The following SNAP29 variants were observed in gnomAD, a reference collection of about 807,000 sequenced individuals.
SNAP29 encodes the protein synaptosomal-associated protein 29.
Under a neutral mutation model 27.9 loss-of-function variants are expected in SNAP29, and 13 were observed. The ratio of observed to expected loss-of-function variants is 0.47; its 90% CI spans 0.30 to 0.74. SNAP29 has a LOEUF of 0.74. Among genes scored for constraint, SNAP29 ranks in the 30% least tolerant of loss-of-function variants. The pLI is 0.06. For missense variants in SNAP29, 368 were observed against 336.5 expected (o/e 1.09, Z -0.73); for synonymous variants, 119 against 127.1 (o/e 0.94, Z 0.43).
At chr22:20,865,649 T>C (rs1207179458) in intron 1 of SNAP29, among the ~76,000 whole-genome samples, 1 of 152,212 alleles carries the variant, frequency 6.6e-6, no homozygotes, top group Non-Finnish European at 1.5e-5. Context: ...TCAACTTCAC[T>C]GATTCACTGG....
At chr22:20,863,775 C>T (rs764842691) in intron 1 of SNAP29, among the ~76,000 whole-genome samples, 6 of 152,110 alleles carry the variant, frequency 3.9e-5, no homozygotes, top group Non-Finnish European at 8.8e-5. Flanking sequence ...CCCTCCCTAT[C>T]ATCCCTCTGC....
At chr22:20,862,527 T>C (rs1349887206) in intron 1 of SNAP29, among the ~76,000 whole-genome samples, 2 of 152,092 alleles carry the variant, frequency 1.3e-5, no homozygotes, top group African/African-American at 4.8e-5. Context: ...TTGGAGGTCA[T>C]AGGGAAAGTT....
At chr22:20,886,112 C>T (rs532246249) in intron 4 of SNAP29, among the ~76,000 whole-genome samples, 55,121 of 145,500 alleles carry the variant, frequency 0.38, 10,707 homozygotes, top group African/African-American at 0.46. Context: ...GAAGACTTAT[C>T]TTTTTTTTTT....
At chr22:20,879,572 A>G (rs929036137) in intron 2 of SNAP29, among the ~76,000 whole-genome samples, 4 of 151,570 alleles carry the variant, frequency 2.6e-5, no homozygotes, top group Non-Finnish European at 5.9e-5. Context: ...TTGGCCAAGC[A>G]TGGTGGCTTA....
At position 20,888,490 on chromosome 22, in the gene SNAP29, G is replaced by A; in HGVS notation, c.*654G>A. ...CCCTCCAGCCCCCCATCCTTGGCAT[G>A]TATATTAGTAGGAGGGCTTCACACC... On this transcript the variant is annotated 3_prime_UTR_variant, in exon 5 of 5. Transcript: ENST00000215730. The A allele has an allele frequency of 6.1e-6, 1 of 163,062 alleles. No homozygotes were observed. Among genetic ancestry groups the A allele is most frequent in the Non-Finnish European group, 1.3e-5 (1 of 74,544 alleles). The allele number at this position is 163,062 out of a possible 1,614,324, so 10.1% of individuals were successfully genotyped here.
intron 2 of SNAP29, among the ~76,000 whole-genome samples, 199 bp from the exon 3 acceptor site, chr22:20,880,850 G>A (rs1928874224): frequency 6.6e-6 from 1 of 152,158 alleles, no homozygotes; most frequent in Non-Finnish European, 1.5e-5. Context: ...TTCTGAGGCA[G>A]GGGTCTTCAT....
At chr22:20,873,183 T>C (rs1928639354) in intron 2 of SNAP29, among the ~76,000 whole-genome samples, 1 of 152,044 alleles carries the variant, frequency 6.6e-6, no homozygotes, top group Non-Finnish European at 1.5e-5. Context: ...ATTTTATTTA[T>C]TTATTTTTTA....
chr22:20,887,083 G>T (rs1425616107), intron 4 of SNAP29, among the ~76,000 whole-genome samples: 1 of 151,942 alleles, frequency 6.6e-6, no homozygotes, highest in Non-Finnish European at 1.5e-5. Context: ...AAATTAGTCG[G>T]GTGTGGTGGC....
At position 20,887,714 on chromosome 22, in the gene SNAP29, A is replaced by G; in HGVS notation, c.655A>G (p.Ile219Val). 1 of 1,614,218 alleles carries G rather than the reference A, an allele frequency of 6.2e-7. No individual in the cohort carries two copies. The highest frequency in any genetic ancestry group is 8.5e-7 in the Non-Finnish European group (1 of 1,180,046). Reference sequence around the variant, plus strand: ...CATGGGACTGGGTCGTCTGAAGGACATAGCCCTGGGGATGCAGACAGAAAT... The same window carrying G: ...CATGGGACTGGGTCGTCTGAAGGACGTAGCCCTGGGGATGCAGACAGAAAT... Reference protein sequence around the residue: ...LSMGLGRLKDIALGMQTEIEE... With the variant: ...LSMGLGRLKDVALGMQTEIEE... The change falls in exon 5 of 5, where the codon ATA (isoleucine) becomes GTA (valine). Residue 219 changes from isoleucine (I) to valine (V), a missense_variant. Ile to Val is a conservative substitution (Grantham distance 29). Coordinates refer to ENST00000215730, the MANE Select transcript of SNAP29 (RefSeq NM_004782.4).
intron 4 of SNAP29, among the ~76,000 whole-genome samples, chr22:20,887,094 G>A (rs915315352): frequency 9.2e-5 from 14 of 151,830 alleles, no homozygotes; most frequent in Non-Finnish European, 2.1e-4. Flanking sequence ...GTGTGGTGGC[G>A]TGTGCCTGTA....
At chr22:20,873,123 C>T (rs1176364330) in intron 2 of SNAP29, among the ~76,000 whole-genome samples, 1 of 152,122 alleles carries the variant, frequency 6.6e-6, no homozygotes, top group Non-Finnish European at 1.5e-5. Flanking sequence ...AGCCACCACA[C>T]CTGGCCTCTC....
Position 20,887,689 on chromosome 22 carries a change from C to G in SNAP29, c.630C>G (p.Ser210=). 6.2e-7 allele frequency: 1 copy of G among 1,614,160 alleles called. No individual in the cohort carries two copies. Among genetic ancestry groups the G allele is most frequent in the Non-Finnish European group, 8.5e-7 (1 of 1,180,034 alleles). ...TTCCTCCTCCTGCAGATGAGCTGTC[C>G]ATGGGACTGGGTCGTCTGAAGGACA... is the stretch of plus-strand genomic sequence containing the variant. The part of the protein sequence containing the change: ...QKIDSNLDEL[S]MGLGRLKDIA... Residue 210 remains serine, a synonymous_variant, in exon 5 of 5, where the codon TCC becomes TCG. Transcript: ENST00000215730.
intron 4 of SNAP29, among the ~76,000 whole-genome samples, chr22:20,887,447 G>C (rs143672554): frequency 6.6e-6 from 1 of 151,698 alleles, no homozygotes; most frequent in Non-Finnish European, 1.5e-5. Context: ...TACCCCCAGC[G>C]TGCACAAACA....
intron 4 of SNAP29, 71 bp downstream of exon 4, chr22:20,883,640 T>G (rs1045042475): frequency 2.1e-6 from 2 of 944,582 alleles, no homozygotes; most frequent in African/African-American, 3.2e-5. Flanking sequence ...GCATAGCCCC[T>G]GCATGAGCAT....
intron 1 of SNAP29, among the ~76,000 whole-genome samples, chr22:20,869,066 C>T (rs967549642): frequency 7.9e-5 from 12 of 152,114 alleles, no homozygotes; most frequent in African/African-American, 1.9e-4. Flanking sequence ...CGAGACCAGC[C>T]GGGCCAACAT....
chr22:20,859,231 A>C lies in SNAP29; in HGVS notation c.121A>C (p.Arg41=). ...LPDGPDAPAD[R]QQYLRQEVLR... The stretch of plus-strand genomic sequence containing the variant: ...CGACGGGCCCGACGCGCCCGCGGAC[A>C]GGCAGCAGTACTTGCGGCAGGAGGT... The change falls in exon 1 of 5, where the codon AGG becomes CGG. Residue 41 remains arginine (R), a synonymous_variant. Coordinates refer to ENST00000215730, the MANE Select transcript of SNAP29 (RefSeq NM_004782.4). The C allele has an allele frequency of 6.2e-7, 1 of 1,606,520 alleles. No homozygotes were observed. Among genetic ancestry groups the C allele is most frequent in the Non-Finnish European group, 8.5e-7 (1 of 1,177,408 alleles).
intron 3 of SNAP29, among the ~76,000 whole-genome samples, chr22:20,882,998 CT>C (rs71731122): frequency 0.033 from 4,505 of 135,916 alleles, 196 homozygotes; most frequent in African/African-American, 0.11. Flanking sequence ...TTTAACATTT[CT>C]TTTTTTTTTT....
rs759479986 is a variant in SNAP29, at chr22:20,881,052, G to C, written c.438G>C (p.Leu146Phe). ...TTTTGTGAACTTTTATCCAAAGATTGAAAGAAGCTATAAGTACAAGTAAAG... is the reference window on the plus strand; with the variant it reads ...TTTTGTGAACTTTTATCCAAAGATTCAAAGAAGCTATAAGTACAAGTAAAG... Reference protein sequence around the residue: ...GTLTSQPNNRLKEAISTSKEQ... With the variant: ...GTLTSQPNNRFKEAISTSKEQ... The change falls in exon 3 of 5, where the codon TTG becomes TTC. Residue 146 changes from leucine (L) to phenylalanine (F), a missense_variant. Coordinates refer to ENST00000215730, the MANE Select transcript of SNAP29 (RefSeq NM_004782.4). 6 of 1,605,730 alleles carry C rather than the reference G, an allele frequency of 3.7e-6. No individual in the cohort carries two copies. Among genetic ancestry groups the C allele is most frequent in the Non-Finnish European group, 5.1e-6 (6 of 1,172,342 alleles).
rs1289112058 is a variant in SNAP29 at position 20,889,996 on chromosome 22, T to G, written c.*2160T>G. 5.9e-6 allele frequency: 2 copies of G among 340,620 alleles called. No individual in the cohort carries two copies. Among genetic ancestry groups the G allele is most frequent in the Admixed American group, 4.8e-5 (1 of 20,850 alleles). 21.1% of individuals were successfully genotyped at this position (340,620 alleles called of 1,614,324 possible). ...ATATGGAAGGGGAGTTGCCTTCACTTTTCTGGAAATTTGTCTTCGTCTGAC... is the reference window on the plus strand; with the variant it reads ...ATATGGAAGGGGAGTTGCCTTCACTGTTCTGGAAATTTGTCTTCGTCTGAC... On this transcript the variant is annotated 3_prime_UTR_variant, in exon 5 of 5. Transcript: ENST00000215730.
Sources: gnomAD v4.1 joint callset for allele counts (sites outside exome capture counted in the v4.1 genomes callset) on GRCh38, gnomAD v4.1.1 for gene constraint, MANE v1.5 for transcripts, NCBI Gene and HGNC (gene_info 2026-07-23, HGNC 2026-07-21) for gene names.